MYO6: variants seen among roughly 807,000 people sequenced by gnomAD.
The protein encoded by MYO6 is myosin VI, also known as unconventional myosin-VI.
In MYO6, 74 loss-of-function variants were observed where a neutral mutation model predicts 178.7. The observed-to-expected ratio is 0.41, with a 90% CI of 0.34 to 0.50. The LOEUF is 0.50. Among genes scored for constraint, MYO6 ranks in the 20% least tolerant of loss-of-function variants. MYO6 has a pLI of 0.09. For synonymous variants in MYO6, 477 were observed against 504.6 expected (o/e 0.95, Z 0.73); for missense variants, 1,330 against 1,547.4 (o/e 0.86, Z 2.36).
intron 1 of MYO6, among the ~76,000 whole-genome samples, chr6:75,814,925 A>G (rs1355763574): frequency 6.6e-6 from 1 of 152,086 alleles, no homozygotes; most frequent in African/African-American, 2.4e-5. Flanking sequence ...TACTCTTCCA[A>G]AACTGTGTGA....
At chr6:75,791,913 C>T (rs544897742) in intron 1 of MYO6, among the ~76,000 whole-genome samples, 141 of 151,968 alleles carry the variant, frequency 9.3e-4, no homozygotes, top group African/African-American at 3.3e-3. Context: ...TTTATTAAAA[C>T]GCAGAATTTT....
chr6:75,895,516 GA>G (rs1386607426), intron 29 of MYO6, among the ~76,000 whole-genome samples: 7 of 150,038 alleles, frequency 4.7e-5, no homozygotes, highest in African/African-American at 1.7e-4. Flanking sequence ...GTATATATAT[GA>G]ATTTTTTTTT....
intron 1 of MYO6, among the ~76,000 whole-genome samples, chr6:75,766,711 C>G (rs1778450705): frequency 6.6e-6 from 1 of 152,080 alleles, no homozygotes; most frequent in South Asian, 2.1e-4. Flanking sequence ...TGGTAAAGTT[C>G]CAAATAAAGG....
intron 16 of MYO6, among the ~76,000 whole-genome samples, chr6:75,862,967 T>C (rs1776328233): frequency 6.6e-6 from 1 of 152,198 alleles, no homozygotes; most frequent in Admixed American, 6.5e-5. Context: ...ACAATGTGCC[T>C]GTAGTCTGAG....
intron 11 of MYO6, among the ~76,000 whole-genome samples, chr6:75,854,275 CTTTTTTTTTTTTTTTTTTTT>C (rs61398235): frequency 2.6e-4 from 12 of 45,470 alleles, no homozygotes; most frequent in Admixed American, 7.8e-4. Context: ...AACTGCATTG[CTTTTTTTTTTTTTTTTTTTT>C]TTTTTTTTTT....
At chr6:75,903,897 T>G (rs1027027525) in intron 30 of MYO6, among the ~76,000 whole-genome samples, 28 of 151,806 alleles carry the variant, frequency 1.8e-4, no homozygotes, top group Non-Finnish European at 3.0e-4. Flanking sequence ...AGCGCTTCCT[T>G]CAGGAGCTCT....
intron 31 of MYO6, among the ~76,000 whole-genome samples, chr6:75,908,280 GAT>G (rs1780495133): frequency 6.6e-6 from 1 of 152,124 alleles, no homozygotes. Flanking sequence ...TGGAGCAGAT[GAT>G]ATAAGATAGT....
intron 1 of MYO6, among the ~76,000 whole-genome samples, chr6:75,787,309 A>G (rs999209957): frequency 1.3e-4 from 20 of 152,336 alleles, no homozygotes; most frequent in Non-Finnish European, 2.5e-4. Context: ...TAGCAGCTTT[A>G]TTAATAGTTA....
At chr6:75,834,232 G>GT (rs945644994) in intron 6 of MYO6, among the ~76,000 whole-genome samples, 12 of 149,740 alleles carry the variant, frequency 8.0e-5, no homozygotes, top group Admixed American at 2.7e-4. Context: ...GGTTTGGTTT[G>GT]TTTTTTTTTG....
chr6:75,870,816 A>C, intron 19 of MYO6, 131 bp downstream of exon 19: 1 of 711,148 alleles, frequency 1.4e-6, no homozygotes. Context: ...TATTTTAAAA[A>C]ATTAGTTTTT....
intron 18 of MYO6, among the ~76,000 whole-genome samples, chr6:75,867,945 A>G (rs1467680131): frequency 1.3e-5 from 2 of 152,160 alleles, no homozygotes; most frequent in Non-Finnish European, 2.9e-5. Flanking sequence ...CAAAAAATGT[A>G]TACGAGAGAA....
At chr6:75,778,470 G>T (rs1010233103) in intron 1 of MYO6, among the ~76,000 whole-genome samples, 2 of 151,888 alleles carry the variant, frequency 1.3e-5, no homozygotes. Context: ...GATGGCGGGC[G>T]CCTGTAGTCC....
intron 9 of MYO6, among the ~76,000 whole-genome samples, chr6:75,842,299 C>T (rs543919123): frequency 2.6e-5 from 4 of 152,206 alleles, no homozygotes; most frequent in South Asian, 2.1e-4. Flanking sequence ...TTCAGATTCT[C>T]AGGTTAGAAA....
intron 1 of MYO6, among the ~76,000 whole-genome samples, chr6:75,798,925 A>G (rs1441907773): frequency 6.6e-6 from 1 of 152,234 alleles, no homozygotes; most frequent in Non-Finnish European, 1.5e-5. Flanking sequence ...CACAAAATAA[A>G]TGTGCAAAAA....
At chr6:75,868,340 A>G (rs1475173932) in intron 18 of MYO6, among the ~76,000 whole-genome samples, 2 of 151,808 alleles carry the variant, frequency 1.3e-5, no homozygotes, top group Non-Finnish European at 2.9e-5. Context: ...CTATTTCTGA[A>G]TCGACATTTG....
intron 12 of MYO6, 134 bp from the exon 13 acceptor site, chr6:75,856,963 C>A: frequency 1.3e-6 from 1 of 745,048 alleles, no homozygotes; most frequent in South Asian, 1.7e-5. Context: ...CCCCATTTAT[C>A]TGTGCCTATT....
intron 6 of MYO6, among the ~76,000 whole-genome samples, chr6:75,834,531 C>T (rs1298848372): frequency 6.6e-6 from 1 of 152,088 alleles, no homozygotes; most frequent in South Asian, 2.1e-4. Flanking sequence ...CCATGCCTGG[C>T]CTTACACTTT....
rs367976050 is a variant in MYO6, at chr6:75,758,610, G to A, written c.-48+9187G>A. ...CAAGTAGCTGGGACTACAGGCTCCC[G>A]CCACCACGCCCAGCTAATTTTTCTT... is the stretch of plus-strand genomic sequence containing the variant. On this transcript the variant is annotated intron_variant, in intron 1 of 34. Transcript: ENST00000369977. Among the ~76,000 whole-genome samples, 118 of 151,992 alleles carry A rather than the reference G, an allele frequency of 7.8e-4. 1 individual carries two copies. In the East Asian group the frequency reaches 0.014, roughly 19 times the overall value.
intron 1 of MYO6, among the ~76,000 whole-genome samples, chr6:75,781,162 G>GT (rs1317779864): frequency 6.6e-6 from 1 of 152,090 alleles, no homozygotes; most frequent in African/African-American, 2.4e-5. Context: ...TAAAAGGTCA[G>GT]TAAAATTGAT....
Sources: gnomAD v4.1 joint callset for allele counts (sites outside exome capture counted in the v4.1 genomes callset) on GRCh38, gnomAD v4.1.1 for gene constraint, MANE v1.5 for transcripts, NCBI Gene and HGNC (gene_info 2026-07-23, HGNC 2026-07-21) for gene names.